PPFIA1: variants seen among roughly 807,000 people sequenced by gnomAD.
PPFIA1 encodes the protein liprin-alpha-1.
Under a neutral mutation model 149.9 loss-of-function variants are expected in PPFIA1, and 25 were observed. The observed-to-expected ratio is 0.17, with a 90% CI of 0.12 to 0.23. The LOEUF (loss-of-function observed/expected upper bound fraction) is 0.23, where lower values mean the gene tolerates loss of function less well. Among genes scored for constraint, PPFIA1 ranks in the 10% least tolerant of loss-of-function variants. The probability of loss-of-function intolerance (pLI) is 1.00; values close to 1 mark genes in which losing one functional copy is unlikely to be tolerated. For synonymous variants in PPFIA1, 549 were observed against 552.8 expected, an observed-to-expected ratio of 0.99 and a Z score of 0.10; for missense variants, 1,362 against 1,506.5, an observed-to-expected ratio of 0.90 and a Z score of 1.59.
At chr11:70,314,319 G>A (rs2053464038) in intron 2 of PPFIA1, among the ~76,000 whole-genome samples, 1 of 152,192 alleles carries the variant, frequency 6.6e-6, no homozygotes, top group Non-Finnish European at 1.5e-5. Flanking sequence ...GCAGTGGTGA[G>A]TAAGGGGCCA....
chr11:70,286,935 C>T (rs899853292), intron 2 of PPFIA1, among the ~76,000 whole-genome samples: 3 of 134,798 alleles, frequency 2.2e-5, no homozygotes, highest in Admixed American at 7.3e-5. Context: ...TATATATACA[C>T]ATATATATAC....
chr11:70,295,600 G>A (rs2051905258), intron 2 of PPFIA1, among the ~76,000 whole-genome samples: 1 of 143,380 alleles, frequency 7.0e-6, no homozygotes, highest in African/African-American at 2.7e-5. Flanking sequence ...GGCTGGCTGG[G>A]CAGAGGGGCT....
chr11:70,354,378 A>G lies in PPFIA1; in HGVS notation c.2241A>G (p.Arg747=), dbSNP rs1008685716. 6.2e-7 allele frequency: 1 copy of G among 1,613,924 alleles called. No homozygotes were observed. Among genetic ancestry groups the G allele is most frequent in the Non-Finnish European group, 8.5e-7 (1 of 1,180,034 alleles). The change falls in exon 17 of 28, where the codon AGA becomes AGG. Residue 747 remains arginine (R), a synonymous_variant. Transcript: ENST00000253925. The part of the protein sequence containing the change: ...KCETSPPSSP[R]ALRLDRLHKG... Reference sequence around the variant, plus strand: ...AAACCTCCCCGCCTTCCTCCCCGAGAGCCCTTCGGTTAGACCGGCTGCACA... The same window carrying G: ...AAACCTCCCCGCCTTCCTCCCCGAGGGCCCTTCGGTTAGACCGGCTGCACA...
intron 2 of PPFIA1, among the ~76,000 whole-genome samples, chr11:70,288,973 T>C (rs562894849): frequency 1.1e-3 from 169 of 150,800 alleles, no homozygotes; most frequent in Non-Finnish European, 1.9e-3. Context: ...GGTTGTTTTT[T>C]TTTTTTTTTT....
intron 2 of PPFIA1, among the ~76,000 whole-genome samples, chr11:70,286,690 G>A (rs2051149117): frequency 6.6e-6 from 1 of 151,622 alleles, no homozygotes. Flanking sequence ...GACTCCCATG[G>A]CCCCTGTTCT....
At chr11:70,356,831 T>TA (rs2056386384) in intron 19 of PPFIA1, among the ~76,000 whole-genome samples, 1 of 152,178 alleles carries the variant, frequency 6.6e-6, no homozygotes, top group African/African-American at 2.4e-5. Context: ...GTAGATCGGG[T>TA]AGTTTTATCT....
intron 21 of PPFIA1, chr11:70,366,050 T>G (rs2056918771): frequency 2.3e-6 from 1 of 433,260 alleles, no homozygotes; most frequent in Middle Eastern, 3.4e-4. Context: ...TGTAATCTAC[T>G]TTTTTTGATG....
intron 2 of PPFIA1, among the ~76,000 whole-genome samples, chr11:70,322,475 C>A (rs948617462): frequency 1.3e-5 from 2 of 152,172 alleles, no homozygotes; most frequent in African/African-American, 4.8e-5. Flanking sequence ...TCCTCCCGCA[C>A]GCTGCCCAGC....
At chr11:70,286,239 A>G (rs534937989) in intron 2 of PPFIA1, among the ~76,000 whole-genome samples, 1 of 152,148 alleles carries the variant, frequency 6.6e-6, no homozygotes, top group East Asian at 1.9e-4. Flanking sequence ...TTTTCTACGT[A>G]GTCAGGTGGC....
At chr11:70,340,300 A>G (rs531091009) in intron 14 of PPFIA1, among the ~76,000 whole-genome samples, 12 of 152,168 alleles carry the variant, frequency 7.9e-5, no homozygotes, top group South Asian at 4.1e-4. Flanking sequence ...TTAGCTGGGC[A>G]TGGTGGCATG....
At chr11:70,350,829 T>G (rs1565433178) in intron 16 of PPFIA1, among the ~76,000 whole-genome samples, 5 of 152,154 alleles carry the variant, frequency 3.3e-5, no homozygotes, top group Non-Finnish European at 7.4e-5. Context: ...TATATTTAAA[T>G]TTTTTGGTGA....
intron 21 of PPFIA1, among the ~76,000 whole-genome samples, chr11:70,370,037 C>T (rs1398105164): frequency 5.3e-5 from 8 of 151,968 alleles, no homozygotes; most frequent in East Asian, 1.9e-4. Context: ...ACTGCACCTC[C>T]GCCTCCTGGT....
intron 18 of PPFIA1, 62 bp downstream of exon 18, chr11:70,355,873 G>C: frequency 1.3e-6 from 2 of 1,547,310 alleles, no homozygotes; most frequent in Non-Finnish European, 1.7e-6. Context: ...CACTGCCTTC[G>C]GTGCCATCAG....
intron 2 of PPFIA1, among the ~76,000 whole-genome samples, chr11:70,298,737 C>T (rs1352136536): frequency 6.6e-6 from 1 of 152,162 alleles, no homozygotes; most frequent in Non-Finnish European, 1.5e-5. Context: ...GCTGGTTCTC[C>T]TGTGCTGTGA....
chr11:70,355,549 C>G (rs1161203888), intron 17 of PPFIA1, 90 bp from the exon 18 acceptor site: 2 of 1,234,386 alleles, frequency 1.6e-6, no homozygotes, highest in Non-Finnish European at 2.3e-6. Flanking sequence ...GTGAAAGAGA[C>G]TGGAAGTGCT....
At chr11:70,365,544 T>C in intron 21 of PPFIA1, 1 of 417,918 alleles carries the variant, frequency 2.4e-6, no homozygotes. Flanking sequence ...CATTCAGTCG[T>C]TCCAGATAAG....
Position 70,353,779 on chromosome 11 carries a change from TC to T in PPFIA1, c.2164-520del, listed in dbSNP as rs2137321272. ...CATGTGTATGGGGGTCATGGGCTGT[TC>T]CTTGTTTATTTTTACCCCGTTCAGA... On this transcript the variant is annotated intron_variant, in intron 16 of 27. Coordinates refer to ENST00000253925, the MANE Select transcript of PPFIA1 (RefSeq NM_003626.5). Among the ~76,000 whole-genome samples, 2 of 152,340 alleles carry T rather than the reference TC, an allele frequency of 1.3e-5. 1 individual carries two copies. Among genetic ancestry groups the T allele is most frequent in the South Asian group, 4.1e-4 (2 of 4,828 alleles).
intron 2 of PPFIA1, chr11:70,283,941 T>C: frequency 3.9e-6 from 2 of 508,584 alleles, no homozygotes; most frequent in Non-Finnish European, 8.1e-6. Context: ...GGTTTAGGTA[T>C]AAAGAATCAG....
rs1208440489 is a variant in PPFIA1, at chr11:70,272,343, T to C, written c.171T>C (p.Thr57=). 7.4e-6 allele frequency: 12 copies of C among 1,614,058 alleles called. No individual in the cohort carries two copies. The highest frequency in any genetic ancestry group is 1.0e-5 in the Non-Finnish European group (12 of 1,180,032). Residue 57 remains threonine, a synonymous_variant, in exon 2 of 28, where the codon ACT becomes ACC. Transcript: ENST00000253925. ...GCCTTCTTGATACACTGAGAGAGACTCAAGAAACGCTGGCCTTAACCCAGG... is the reference window on the plus strand; with the variant it reads ...GCCTTCTTGATACACTGAGAGAGACCCAAGAAACGCTGGCCTTAACCCAGG... The part of the protein sequence containing the change: ...RDRLLDTLRE[T]QETLALTQGK...
Sources: gnomAD v4.1 joint callset for allele counts (sites outside exome capture counted in the v4.1 genomes callset) on GRCh38, gnomAD v4.1.1 for gene constraint, MANE v1.5 for transcripts, NCBI Gene and HGNC (gene_info 2026-07-23, HGNC 2026-07-21) for gene names.